ITGBL1: variants seen among roughly 807,000 people sequenced by gnomAD.
ITGBL1 encodes the protein integrin beta-like protein 1.
ITGBL1 carries 51 observed loss-of-function variants against 68.5 expected under a neutral mutation model. That is an observed-to-expected ratio of 0.74 (90% CI 0.59 to 0.94). The LOEUF is 0.94. Ranked by LOEUF, ITGBL1 falls within the 40% of genes least tolerant of loss-of-function variation. The probability of loss-of-function intolerance (pLI) is 0.00; values close to 1 mark genes in which losing one functional copy is unlikely to be tolerated. For synonymous variants in ITGBL1, 209 were observed against 227.3 expected, an observed-to-expected ratio of 0.92 and a Z score of 0.72; for missense variants, 649 against 647.4, an observed-to-expected ratio of 1.00 and a Z score of -0.03.
chr13:101,549,283 A>G (rs565999532), intron 2 of ITGBL1, among the ~76,000 whole-genome samples: 38 of 152,046 alleles, frequency 2.5e-4, no homozygotes, highest in Middle Eastern at 3.4e-3. Flanking sequence ...CAGTAACCAT[A>G]TTATCTTACA....
At chr13:101,588,610 G>A (rs1448794522) in intron 6 of ITGBL1, among the ~76,000 whole-genome samples, 7 of 151,092 alleles carry the variant, frequency 4.6e-5, no homozygotes, top group Non-Finnish European at 8.8e-5. Context: ...TTGAGATAAG[G>A]CCCAGAAAAG....
intron 3 of ITGBL1, among the ~76,000 whole-genome samples, chr13:101,572,688 G>A (rs1448876014): frequency 6.6e-6 from 1 of 152,044 alleles, no homozygotes; most frequent in African/African-American, 2.4e-5. Context: ...GGTGAGACAG[G>A]AAGTCTCTGA....
At chr13:101,459,428 T>C (rs1377616420) in intron 2 of ITGBL1, among the ~76,000 whole-genome samples, 1 of 152,224 alleles carries the variant, frequency 6.6e-6, no homozygotes, top group Non-Finnish European at 1.5e-5. Context: ...CTTTATATAC[T>C]TCTACATTTA....
chr13:101,551,089 G>C (rs1440159506), intron 2 of ITGBL1, among the ~76,000 whole-genome samples: 1 of 152,162 alleles, frequency 6.6e-6, no homozygotes, highest in Non-Finnish European at 1.5e-5. Context: ...ATGATGGAGA[G>C]GGGTGAGGAT....
At chr13:101,483,551 T>G (rs1435080071) in intron 2 of ITGBL1, among the ~76,000 whole-genome samples, 1 of 152,148 alleles carries the variant, frequency 6.6e-6, no homozygotes, top group Non-Finnish European at 1.5e-5. Context: ...GCACAGAAAA[T>G]GCACAGTCCC....
intron 2 of ITGBL1, among the ~76,000 whole-genome samples, chr13:101,461,485 G>T (rs2048317195): frequency 6.6e-6 from 1 of 152,140 alleles, no homozygotes; most frequent in African/African-American, 2.4e-5. Context: ...TTGAAGCCCA[G>T]TGGTTTGAGA....
At chr13:101,516,673 A>T (rs938447250) in intron 2 of ITGBL1, among the ~76,000 whole-genome samples, 2 of 152,168 alleles carry the variant, frequency 1.3e-5, no homozygotes, top group Non-Finnish European at 2.9e-5. Flanking sequence ...TTAACAAGCA[A>T]GGCAAATTTT....
intron 7 of ITGBL1, among the ~76,000 whole-genome samples, chr13:101,629,865 C>T (rs1020849420): frequency 1.3e-5 from 2 of 152,098 alleles, no homozygotes; most frequent in Admixed American, 6.6e-5. Context: ...TTCTGTCACC[C>T]AGGCTGGAGT....
At position 101,652,909 on chromosome 13, in the gene ITGBL1, C is replaced by T. The variant is rs368791846; in HGVS notation, c.1016-39676C>T. Among the ~76,000 whole-genome samples the T allele has an allele frequency of 9.9e-5, 15 of 152,072 alleles. No homozygotes were observed. The South Asian group carries it at 3.1e-3, about 32-fold the overall frequency. ...GGTCGAGAGTTTGAGACCAGCCTGA[C>T]CAACATGGAGAAACCCTGTCTCTAC... is the stretch of plus-strand genomic sequence containing the variant. On this transcript the variant is annotated intron_variant, in intron 7 of 10. Coordinates refer to ENST00000376180, the MANE Select transcript of ITGBL1 (RefSeq NM_004791.3).
Position 101,567,903 on chromosome 13 carries a change from G to A in ITGBL1, c.463+58G>A, listed in dbSNP as rs1594894903. The A allele has an allele frequency of 4.4e-6, 6 of 1,375,560 alleles. No individual in the cohort carries two copies. The South Asian group carries it at 6.3e-5, about 14-fold the overall frequency. 85.2% of individuals were successfully genotyped at this position (1,375,560 alleles called of 1,614,324 possible). ...GGAATAATCAAATTTTGTTTTTAAT[G>A]GAAATATGTGGGCGTGGAGAAATGT... On this transcript the variant is annotated intron_variant, in intron 3 of 10. Coordinates refer to ENST00000376180, the MANE Select transcript of ITGBL1 (RefSeq NM_004791.3).
intron 7 of ITGBL1, among the ~76,000 whole-genome samples, chr13:101,654,041 A>T (rs939674412): frequency 1.3e-5 from 2 of 151,896 alleles, no homozygotes; most frequent in Non-Finnish European, 2.9e-5. Flanking sequence ...TTATGTGTTG[A>T]GAAATAAATG....
At chr13:101,491,228 C>A (rs934633023) in intron 2 of ITGBL1, among the ~76,000 whole-genome samples, 2 of 152,170 alleles carry the variant, frequency 1.3e-5, no homozygotes, top group Non-Finnish European at 2.9e-5. Flanking sequence ...ACATTCTCCT[C>A]TGCAAGGTCA....
chr13:101,503,789 G>A (rs536922499), intron 2 of ITGBL1, among the ~76,000 whole-genome samples: 1 of 152,312 alleles, frequency 6.6e-6, no homozygotes, highest in Admixed American at 6.5e-5. Flanking sequence ...TTCCTTTGCT[G>A]TTAAGGATGA....
chr13:101,529,192 A>G (rs2049431288), intron 2 of ITGBL1, among the ~76,000 whole-genome samples: 1 of 152,010 alleles, frequency 6.6e-6, no homozygotes, highest in African/African-American at 2.4e-5. Context: ...AGAAATACAT[A>G]TAATTTGAGA....
intron 2 of ITGBL1, among the ~76,000 whole-genome samples, chr13:101,517,823 A>G (rs2049220289): frequency 6.6e-6 from 1 of 152,156 alleles, no homozygotes; most frequent in Non-Finnish European, 1.5e-5. Flanking sequence ...ATTTGGGGGT[A>G]GGGCTGGAGA....
intron 9 of ITGBL1, chr13:101,710,882 CAA>C (rs2034433713): frequency 6.6e-6 from 1 of 152,156 alleles, no homozygotes; most frequent in South Asian, 2.1e-4. Flanking sequence ...AAATTTAAAA[CAA>C]GATACATTCT....
chr13:101,619,496 A>G (rs1288929456), intron 7 of ITGBL1, among the ~76,000 whole-genome samples: 4 of 152,200 alleles, frequency 2.6e-5, no homozygotes, highest in Non-Finnish European at 4.4e-5. Context: ...TGAAAAGGCC[A>G]GGAAAGAGAT....
chr13:101,466,673 A>G (rs1349021151), intron 2 of ITGBL1, among the ~76,000 whole-genome samples: 1 of 152,210 alleles, frequency 6.6e-6, no homozygotes, highest in African/African-American at 2.4e-5. Flanking sequence ...TATTCTGAAT[A>G]CTAGCACCAT....
At position 101,699,725 on chromosome 13, in the gene ITGBL1, G is replaced by C. The variant is rs147508922; in HGVS notation, c.1132+7024G>C. On this transcript the variant is annotated intron_variant, in intron 8 of 10. Transcript: ENST00000376180. ...GGGCAGTTCTTTAAACACAGATGTT[G>C]TTATCAATGAATGGTCCATGTAGAT... is the stretch of plus-strand genomic sequence containing the variant. Among the ~76,000 whole-genome samples the C allele has an allele frequency of 1.4e-4, 21 of 152,298 alleles. No homozygotes were observed. In the East Asian group the frequency reaches 3.9e-3, roughly 28 times the overall value.
Sources: gnomAD v4.1 joint callset for allele counts (sites outside exome capture counted in the v4.1 genomes callset) on GRCh38, gnomAD v4.1.1 for gene constraint, MANE v1.5 for transcripts, NCBI Gene and HGNC (gene_info 2026-07-23, HGNC 2026-07-21) for gene names.